The following MICAL3 variants were observed in gnomAD, a reference collection of about 807,000 sequenced individuals.
MICAL3 encodes the protein microtubule associated monooxygenase, calponin and LIM domain containing 3.
Under a neutral mutation model 207.4 loss-of-function variants are expected in MICAL3, and 62 were observed. That is an observed-to-expected ratio of 0.30 (90% CI 0.24 to 0.37). The LOEUF (loss-of-function observed/expected upper bound fraction) is 0.37. Ranked by LOEUF, MICAL3 falls within the 10% of genes least tolerant of loss-of-function variation. The pLI is 1.00. For missense variants in MICAL3, 2,368 were observed against 2,635.6 expected (o/e 0.90, Z 2.22); for synonymous variants, 1,077 against 1,069.3 (o/e 1.01, Z -0.14).
At position 17,789,856 on chromosome 22, in the gene MICAL3, G is replaced by A. The variant is rs546586932; in HGVS notation, c.*876C>T. On this transcript the variant is annotated 3_prime_UTR_variant, in exon 32 of 32. Coordinates refer to ENST00000441493, the MANE Select transcript of MICAL3 (RefSeq NM_015241.3). ...GACAAAAAGGGTTTGAAGCGGCTGA[G>A]CGTCTTGCCAGGTTGTCAGCTTCAT... The A allele has an allele frequency of 1.3e-5, 2 of 152,358 alleles. No individual in the cohort carries two copies. Among genetic ancestry groups the A allele is most frequent in the East Asian group, 3.9e-4 (2 of 5,190 alleles). The allele number at this position is 152,358 out of a possible 1,614,324, so 9.4% of individuals were successfully genotyped here. A position where few individuals can be genotyped will look rare whatever the true frequency, so the allele number is the denominator to read the frequency against.
rs771669045 is a variant in MICAL3, at chr22:17,891,613, G to A, written c.1566C>T (p.Ser522=). The A allele has an allele frequency of 2.5e-6, 4 of 1,613,976 alleles. No individual in the cohort carries two copies. The South Asian group carries it at 4.4e-5, about 18-fold the overall frequency. Residue 522 remains serine (S), a synonymous_variant, in exon 12 of 32, where the codon AGC becomes AGT. Coordinates refer to ENST00000441493, the MANE Select transcript of MICAL3 (RefSeq NM_015241.3). ...LTRNESVARS[S]KLLGWCQRQT... ...GCCTCTGGCACCAACCCAGCAGTTTGCTTGAACGAGCTACAGACTCTAAAA... is the reference window on the plus strand; with the variant it reads ...GCCTCTGGCACCAACCCAGCAGTTTACTTGAACGAGCTACAGACTCTAAAA...
chr22:17,932,737 A>G (rs548950616), intron 1 of MICAL3, among the ~76,000 whole-genome samples: 1 of 152,260 alleles, frequency 6.6e-6, no homozygotes, highest in African/African-American at 2.4e-5. Flanking sequence ...ACTCATGTAC[A>G]AAGATGCACA....
rs1379505421 is a variant in MICAL3 at position 17,876,888 on chromosome 22, G to C, written c.2242-4865C>G. On this transcript the variant is annotated intron_variant, in intron 16 of 31. Coordinates refer to ENST00000441493, the MANE Select transcript of MICAL3 (RefSeq NM_015241.3). The stretch of plus-strand genomic sequence containing the variant: ...TAGGGAGGTTAGGGAGGTTAGGGAG[G>C]TTATGGAGGTTAGGGAGGTTAGGGA... 73 of 136,542 alleles carry C rather than the reference G, an allele frequency of 5.3e-4. 1 individual carries two copies. Among genetic ancestry groups the C allele is most frequent in the Non-Finnish European group, 7.0e-4 (45 of 64,482 alleles). 8.5% of individuals were successfully genotyped at this position (136,542 alleles called of 1,614,324 possible).
chr22:17,866,118 G>GC, intron 17 of MICAL3, 106 bp from the exon 18 acceptor site: 1 of 822,998 alleles, frequency 1.2e-6, no homozygotes, highest in East Asian at 2.6e-5. Context: ...GCCTCACAAG[G>GC]CCATCAAGCC....
chr22:17,991,557 G>T (rs1921684429), intron 1 of MICAL3, among the ~76,000 whole-genome samples: 1 of 152,176 alleles, frequency 6.6e-6, no homozygotes, highest in Non-Finnish European at 1.5e-5. Context: ...ATGCACAGAA[G>T]GAACTTGTCA....
At chr22:17,983,772 C>T (rs1387488362) in intron 1 of MICAL3, among the ~76,000 whole-genome samples, 1 of 152,132 alleles carries the variant, frequency 6.6e-6, no homozygotes, top group African/African-American at 2.4e-5. Flanking sequence ...TCTCTGGACA[C>T]CTTCACACCA....
chr22:17,800,054 G>A (rs2061922066), intron 29 of MICAL3, among the ~76,000 whole-genome samples: 1 of 151,918 alleles, frequency 6.6e-6, no homozygotes, highest in Non-Finnish European at 1.5e-5. Flanking sequence ...GACTGGTCAG[G>A]CAAACCAAGA....
intron 1 of MICAL3, among the ~76,000 whole-genome samples, chr22:17,925,327 G>A (rs1932892769): frequency 6.6e-6 from 1 of 152,134 alleles, no homozygotes. Context: ...GGACTGGAGG[G>A]CATGTTTTTC....
rs116467859 is a variant in MICAL3 at position 17,887,715 on chromosome 22, G to C, written c.1892-280C>G. Among the ~76,000 whole-genome samples the C allele has an allele frequency of 8.6e-3, 1,307 of 152,358 alleles. 21 individuals are homozygous for C. The highest frequency in any genetic ancestry group is 0.03 in the African/African-American group (1,237 of 41,584). The stretch of plus-strand genomic sequence containing the variant: ...AAACCCGCACTTTTGCTTTTCAAAA[G>C]TTGGAAGCTGGCTGTGATTGTTAGT... On this transcript the variant is annotated intron_variant, in intron 13 of 31. Transcript: ENST00000441493.
intron 1 of MICAL3, among the ~76,000 whole-genome samples, chr22:17,913,400 T>C (rs1932260950): frequency 1.3e-5 from 2 of 152,160 alleles, no homozygotes; most frequent in Admixed American, 6.5e-5. Flanking sequence ...AGCACTAGCC[T>C]GGCCTGCGTG....
intron 29 of MICAL3, chr22:17,803,711 G>A (rs896676259): frequency 4.0e-6 from 2 of 505,582 alleles, no homozygotes; most frequent in African/African-American, 4.2e-5. Context: ...TTTGGTTATT[G>A]GGTTGATTTC....
intron 1 of MICAL3, among the ~76,000 whole-genome samples, chr22:17,955,586 T>C (rs1934571605): frequency 6.6e-6 from 1 of 152,240 alleles, no homozygotes; most frequent in African/African-American, 2.4e-5. Context: ...AAGAGATGCC[T>C]ACACTCACTC....
chr22:18,017,252 T>C (rs965654910), intron 1 of MICAL3, among the ~76,000 whole-genome samples: 4 of 152,092 alleles, frequency 2.6e-5, no homozygotes, highest in African/African-American at 9.7e-5. Context: ...TCGCTCTTCT[T>C]GCCTAGGCTG....
At chr22:17,999,418 G>GA (rs1922676879) in intron 1 of MICAL3, among the ~76,000 whole-genome samples, 1 of 152,118 alleles carries the variant, frequency 6.6e-6, no homozygotes, top group Non-Finnish European at 1.5e-5. Context: ...GAATGGGGGG[G>GA]ACCTCATTAC....
intron 19 of MICAL3, among the ~76,000 whole-genome samples, chr22:17,855,396 C>A (rs1925782806): frequency 6.6e-6 from 1 of 152,108 alleles, no homozygotes; most frequent in Admixed American, 6.5e-5. Context: ...TTCACTCAGG[C>A]CTTTGAAACG....
intron 29 of MICAL3, among the ~76,000 whole-genome samples, chr22:17,800,283 T>C (rs80237669): frequency 0.029 from 4,457 of 152,276 alleles, 104 homozygotes; most frequent in African/African-American, 0.064. Flanking sequence ...TGTGTGTATT[T>C]TCAATCAGTT....
At chr22:18,022,029 T>G (rs1924511772) in intron 1 of MICAL3, among the ~76,000 whole-genome samples, 1 of 152,134 alleles carries the variant, frequency 6.6e-6, no homozygotes, top group South Asian at 2.1e-4. Flanking sequence ...GATCACATTT[T>G]CTAGTTTATG....
chr22:17,821,287 T>A, intron 25 of MICAL3, 140 bp downstream of exon 25: 1 of 669,300 alleles, frequency 1.5e-6, no homozygotes, highest in Non-Finnish European at 2.4e-6. Flanking sequence ...TCAGTCTTCC[T>A]CAGAATGAGG....
intron 1 of MICAL3, among the ~76,000 whole-genome samples, chr22:18,020,647 T>C (rs372438192): frequency 2.1e-5 from 3 of 141,434 alleles, no homozygotes; most frequent in South Asian, 2.2e-4. Flanking sequence ...CTGGGTGCAG[T>C]GGCTCACACC....
Sources: allele counts gnomAD v4.1 joint callset (sites outside exome capture counted in the v4.1 genomes callset), GRCh38; gene constraint gnomAD v4.1.1; transcripts MANE v1.5; gene names NCBI Gene and HGNC (gene_info 2026-07-23, HGNC 2026-07-21).